FBN1: variants seen among roughly 807,000 people sequenced by gnomAD.
FBN1 encodes fibrillin-1.
In FBN1, 29 loss-of-function variants were observed where a neutral mutation model predicts 365.1. The observed-to-expected ratio is 0.08, with a 90% CI of 0.06 to 0.11. The LOEUF (loss-of-function observed/expected upper bound fraction) is 0.11. FBN1 is among the 10% of genes least tolerant of loss of function. FBN1 has a pLI of 1.00. For synonymous variants in FBN1, 1,210 were observed against 1,270.5 expected (o/e 0.95, Z 1.01); for missense variants, 2,476 against 3,703.2 (o/e 0.67, Z 8.60).
chr15:48,498,848 C>T, intron 18 of FBN1, 137 bp downstream of exon 18: 1 of 884,062 alleles, frequency 1.1e-6, no homozygotes, highest in Non-Finnish European at 1.9e-6. Flanking sequence ...TCTGAGCATC[C>T]CAGATACATG....
intron 6 of FBN1, among the ~76,000 whole-genome samples, chr15:48,551,721 C>T (rs952859394): frequency 2.0e-5 from 3 of 152,114 alleles, no homozygotes; most frequent in African/African-American, 7.2e-5. Flanking sequence ...CTCTATGCGT[C>T]CATCTGTTCT....
intron 49 of FBN1, among the ~76,000 whole-genome samples, chr15:48,444,059 G>A (rs1345800836): frequency 6.6e-6 from 1 of 152,038 alleles, no homozygotes; most frequent in Non-Finnish European, 1.5e-5. Context: ...AAAAAGGAAT[G>A]TAATACTGTA....
At position 48,488,102 on chromosome 15, in the gene FBN1, C is replaced by A. The variant is rs368726848; in HGVS notation, c.3337+11G>T. ...TCTCTTTCTGTGTTGATCAAATGAT[C>A]CCAAACTTACCCATGCAGTTCTTCA... On this transcript the variant is annotated intron_variant, in intron 27 of 65. Coordinates refer to ENST00000316623, the MANE Select transcript of FBN1 (RefSeq NM_000138.5). 11 of 1,614,094 alleles carry A rather than the reference C, an allele frequency of 6.8e-6. No homozygotes were observed. Among genetic ancestry groups the A allele is most frequent in the Non-Finnish European group, 9.3e-6 (11 of 1,180,010 alleles).
intron 6 of FBN1, among the ~76,000 whole-genome samples, chr15:48,563,922 T>C (rs10519184): frequency 0.029 from 4,489 of 152,270 alleles, 270 homozygotes; most frequent in East Asian, 0.24. Flanking sequence ...GCTCTGAAAA[T>C]GAGACTTGGA....
At chr15:48,542,781 ATGTGTGTGTGTGTGTGTGTGTG>A (rs58728910) in intron 6 of FBN1, among the ~76,000 whole-genome samples, 6 of 130,662 alleles carry the variant, frequency 4.6e-5, no homozygotes, top group Non-Finnish European at 7.8e-5. Context: ...GGACTCTAAG[ATGTGTGTGTGTGTGTGTGTGTG>A]TGTGTGTGTG....
At chr15:48,507,416 C>A (rs2043719269) in intron 15 of FBN1, among the ~76,000 whole-genome samples, 1 of 152,136 alleles carries the variant, frequency 6.6e-6, no homozygotes, top group Non-Finnish European at 1.5e-5. Context: ...TTCCTCCTAG[C>A]ACAGGGCTCA....
At chr15:48,418,025 T>C (rs1248531207) in intron 63 of FBN1, among the ~76,000 whole-genome samples, 2 of 152,252 alleles carry the variant, frequency 1.3e-5, no homozygotes, top group Admixed American at 6.5e-5. Flanking sequence ...GGAAGACTTG[T>C]CATTCTATAG....
intron 60 of FBN1, among the ~76,000 whole-genome samples, chr15:48,422,696 T>C (rs1225168333): frequency 6.6e-6 from 1 of 152,236 alleles, no homozygotes; most frequent in African/African-American, 2.4e-5. Flanking sequence ...TGGTGGCTCA[T>C]GCCTGTATTC....
intron 2 of FBN1, among the ~76,000 whole-genome samples, chr15:48,626,796 G>C (rs1889892142): frequency 6.6e-6 from 1 of 151,850 alleles, no homozygotes; most frequent in Non-Finnish European, 1.5e-5. Context: ...AATAAAAATA[G>C]TCTAATTTAA....
Position 48,430,690 on chromosome 15 carries a change from A to G in FBN1, c.6852T>C (p.Pro2284=), listed in dbSNP as rs201226058. The change falls in exon 56 of 66, where the codon CCT becomes CCC. Residue 2284 remains proline (P), a synonymous_variant. Transcript: ENST00000316623. ...TCTTACCTACACAGCCTTCTCCATC[A>G]GGTCTCCGCTGATACCCGGGTCCAC... ...CICGPGYQRR[P]DGEGCVDENE... 101 of 1,613,888 alleles carry G rather than the reference A, an allele frequency of 6.3e-5. No individual in the cohort carries two copies. The highest frequency in any genetic ancestry group is 7.9e-5 in the Non-Finnish European group (93 of 1,179,858).
intron 2 of FBN1, among the ~76,000 whole-genome samples, chr15:48,637,530 C>T (rs1346055090): frequency 6.6e-6 from 1 of 152,202 alleles, no homozygotes; most frequent in Non-Finnish European, 1.5e-5. Context: ...TGCCCAACTG[C>T]AGTCAATGTC....
intron 2 of FBN1, among the ~76,000 whole-genome samples, chr15:48,624,123 T>TA (rs200218005): frequency 1.3e-4 from 20 of 151,126 alleles, no homozygotes; most frequent in African/African-American, 3.9e-4. Flanking sequence ...TGTATATATT[T>TA]AAAAAAAAAG....
intron 6 of FBN1, among the ~76,000 whole-genome samples, chr15:48,570,319 C>T (rs77358407): frequency 0.014 from 2,103 of 152,268 alleles, 47 homozygotes; most frequent in African/African-American, 0.043. Flanking sequence ...ATTAACATCA[C>T]GTTCTAGCAA....
rs548576902 is a variant in FBN1 at position 48,616,915 on chromosome 15, A to C, written c.165-3823T>G. ...TTGTTATAATGTTTAACACTAAAAA[A>C]AAAACTATGGCTTAAGAAGGTCAAA... On this transcript the variant is annotated intron_variant, in intron 2 of 65. Coordinates refer to ENST00000316623, the MANE Select transcript of FBN1 (RefSeq NM_000138.5). 3.3e-5 allele frequency among the ~76,000 whole-genome samples: 5 copies of C among 152,354 alleles called. No homozygotes were observed. In the East Asian group the frequency reaches 9.6e-4, roughly 29 times the overall value.
intron 63 of FBN1, among the ~76,000 whole-genome samples, chr15:48,417,853 G>A (rs906324492): frequency 9.2e-5 from 14 of 152,244 alleles, no homozygotes; most frequent in South Asian, 2.1e-4. Flanking sequence ...GCTCCTCCAC[G>A]TCCATCCTCC....
intron 8 of FBN1, among the ~76,000 whole-genome samples, chr15:48,532,506 A>ATGTG (rs528870539): frequency 2.0e-5 from 3 of 149,618 alleles, no homozygotes; most frequent in South Asian, 2.1e-4. Context: ...ATATATGTGT[A>ATGTG]TGTGTGTGTG....
intron 58 of FBN1, among the ~76,000 whole-genome samples, chr15:48,426,415 G>A (rs893407824): frequency 5.3e-5 from 8 of 152,126 alleles, no homozygotes; most frequent in African/African-American, 1.9e-4. Context: ...GTCCTCTGGT[G>A]AGGGGGGAAA....
intron 44 of FBN1, among the ~76,000 whole-genome samples, chr15:48,455,507 G>A (rs920091357): frequency 6.6e-6 from 1 of 152,166 alleles, no homozygotes; most frequent in East Asian, 1.9e-4. Flanking sequence ...GGAAAAGTGC[G>A]GCTGTGAGGG....
chr15:48,522,297 G>A (rs1273732469), intron 9 of FBN1, among the ~76,000 whole-genome samples: 1 of 151,796 alleles, frequency 6.6e-6, no homozygotes, highest in Non-Finnish European at 1.5e-5. Context: ...ACTTTATTGT[G>A]TATAATAAAT....
Sources: gnomAD v4.1 joint callset for allele counts (sites outside exome capture counted in the v4.1 genomes callset) on GRCh38, gnomAD v4.1.1 for gene constraint, MANE v1.5 for transcripts, NCBI Gene and HGNC (gene_info 2026-07-23, HGNC 2026-07-21) for gene names.